The following SORCS1 variants were observed in gnomAD, a reference collection of about 807,000 sequenced individuals.
SORCS1 encodes sortilin related VPS10 domain containing receptor 1, also known as VPS10 domain-containing receptor SorCS1.
SORCS1 carries 60 observed loss-of-function variants against 146.1 expected under a neutral mutation model. That is an observed-to-expected ratio of 0.41 (90% CI 0.33 to 0.51). The LOEUF is 0.51. Among genes scored for constraint, SORCS1 ranks in the 20% least tolerant of loss-of-function variants. The pLI is 0.21. For missense variants in SORCS1, 1,352 were observed against 1,487.6 expected (o/e 0.91, Z 1.50); for synonymous variants, 637 against 584.0 (o/e 1.09, Z -1.31).
intron 1 of SORCS1, among the ~76,000 whole-genome samples, chr10:107,046,792 G>A (rs1049680252): frequency 6.6e-6 from 1 of 152,116 alleles, no homozygotes. Flanking sequence ...CTTGAATTAG[G>A]ATAAGCCTCT....
intron 16 of SORCS1, among the ~76,000 whole-genome samples, chr10:106,669,135 A>G (rs1233595006): frequency 6.6e-6 from 1 of 151,974 alleles, no homozygotes; most frequent in African/African-American, 2.4e-5. Flanking sequence ...GAATGCAGGG[A>G]TTGGGCCAAG....
chr10:106,926,828 TACACACACACACACACAC>T (rs869163147), intron 2 of SORCS1, among the ~76,000 whole-genome samples: 1 of 29,584 alleles, frequency 3.4e-5, no homozygotes, highest in African/African-American at 5.5e-5. Context: ...GGAATATATA[TACACACACACACACACAC>T]ACACACACAC....
chr10:106,644,909 G>A (rs964174058), intron 18 of SORCS1, among the ~76,000 whole-genome samples: 1 of 152,034 alleles, frequency 6.6e-6, no homozygotes, highest in African/African-American at 2.4e-5. Flanking sequence ...GGGCTCTTAC[G>A]AATACTTTTG....
chr10:106,771,162 T>C (rs1859993202), intron 4 of SORCS1, among the ~76,000 whole-genome samples: 1 of 152,124 alleles, frequency 6.6e-6, no homozygotes, highest in Non-Finnish European at 1.5e-5. Flanking sequence ...CAAGAGCCCT[T>C]ACCCCGGCAT....
intron 1 of SORCS1, among the ~76,000 whole-genome samples, chr10:107,024,583 G>T (rs1958312427): frequency 6.6e-6 from 1 of 152,098 alleles, no homozygotes; most frequent in Non-Finnish European, 1.5e-5. Context: ...TCTGTAACAG[G>T]AATCTACATT....
intron 3 of SORCS1, among the ~76,000 whole-genome samples, chr10:106,828,965 T>C (rs1948416936): frequency 6.6e-6 from 1 of 152,196 alleles, no homozygotes; most frequent in Non-Finnish European, 1.5e-5. Flanking sequence ...ATCTCAGTTT[T>C]CTTATCTGTA....
At chr10:106,689,281 T>G (rs1320593013) in intron 9 of SORCS1, among the ~76,000 whole-genome samples, 1 of 152,216 alleles carries the variant, frequency 6.6e-6, no homozygotes, top group African/African-American at 2.4e-5. Flanking sequence ...TCAAACACAT[T>G]CATGCATATT....
intron 1 of SORCS1, among the ~76,000 whole-genome samples, chr10:106,978,813 G>A (rs1338846496): frequency 1.7e-4 from 25 of 147,234 alleles, no homozygotes; most frequent in African/African-American, 6.1e-4. Context: ...AAAAAAAAAA[G>A]ACTAAATAGT....
intron 22 of SORCS1, among the ~76,000 whole-genome samples, 188 bp downstream of exon 22, chr10:106,611,723 G>A (rs1041909335): frequency 3.3e-5 from 5 of 152,190 alleles, no homozygotes; most frequent in Admixed American, 6.6e-5. Flanking sequence ...ATCCCCTTTA[G>A]GGCCTTTGAG....
rs1357999533 is a variant in SORCS1, at chr10:106,681,616, T to C, written c.1561-1882A>G. 3.9e-5 allele frequency among the ~76,000 whole-genome samples: 6 copies of C among 152,132 alleles called. No homozygotes were observed. In the East Asian group the frequency reaches 1.2e-3, roughly 29 times the overall value. Reference sequence around the variant, plus strand: ...ATCTGAATAATGTTGTGAGCATCTGTATGGCATTCCAAGAAGTAGACTACT... The same window carrying C: ...ATCTGAATAATGTTGTGAGCATCTGCATGGCATTCCAAGAAGTAGACTACT... On this transcript the variant is annotated intron_variant, in intron 10 of 25. Transcript: ENST00000263054.
chr10:106,866,714 C>T (rs183585613), intron 2 of SORCS1, among the ~76,000 whole-genome samples: 1 of 152,356 alleles, frequency 6.6e-6, no homozygotes, highest in African/African-American at 2.4e-5. Flanking sequence ...GCACCACCTA[C>T]TGGATCATAC....
At chr10:107,166,453 G>A (rs1481111649), upstream of SORCS1, among the ~76,000 whole-genome samples, 1 of 152,200 alleles carries the variant, frequency 6.6e-6, no homozygotes, top group African/African-American at 2.4e-5. Context: ...TTAAACTTGA[G>A]TACCTAAAAG....
rs1163742989 is a variant in SORCS1, at chr10:107,119,748, T to C, written c.558+44221A>G. ...CTAAGAAAAATGTCTTCTAATAACCTATAGAATTTGGGTATTTTTCATATT... is the reference window on the plus strand; with the variant it reads ...CTAAGAAAAATGTCTTCTAATAACCCATAGAATTTGGGTATTTTTCATATT... On this transcript the variant is annotated intron_variant, in intron 1 of 25. Coordinates refer to ENST00000263054, the MANE Select transcript of SORCS1 (RefSeq NM_052918.5). Among the ~76,000 whole-genome samples the C allele has an allele frequency of 2.0e-5, 3 of 152,320 alleles. No homozygotes were observed. In the East Asian group the frequency reaches 5.8e-4, roughly 29 times the overall value.
chr10:106,605,106 A>G (rs770942790), intron 23 of SORCS1, among the ~76,000 whole-genome samples: 5 of 152,254 alleles, frequency 3.3e-5, no homozygotes, highest in Admixed American at 1.3e-4. Flanking sequence ...ACAGCCTTCA[A>G]GCAAGCTAGT....
chr10:106,814,328 A>G lies in SORCS1; in HGVS notation c.726+15246T>C, dbSNP rs532243995. ...CGTATTTAAAACGCGAAATTTATTG[A>G]AGATCTACAGAGGGATCAGCCTGAA... On this transcript the variant is annotated intron_variant, in intron 3 of 25. Coordinates refer to ENST00000263054, the MANE Select transcript of SORCS1 (RefSeq NM_052918.5). 2.0e-5 allele frequency among the ~76,000 whole-genome samples: 3 copies of G among 152,328 alleles called. No individual in the cohort carries two copies. In the East Asian group the frequency reaches 5.8e-4, roughly 29 times the overall value.
intron 24 of SORCS1, among the ~76,000 whole-genome samples, chr10:106,582,138 T>C (rs7477051): frequency 3.4e-5 from 5 of 149,252 alleles, no homozygotes; most frequent in East Asian, 4.0e-4. Context: ...CACAAACACA[T>C]ACACACACAC....
chr10:106,787,911 T>A (rs759963488), intron 3 of SORCS1, among the ~76,000 whole-genome samples: 2 of 152,212 alleles, frequency 1.3e-5, no homozygotes, highest in Non-Finnish European at 2.9e-5. Context: ...TTCATGAAGA[T>A]ACTGTCATTT....
At chr10:106,956,201 C>G (rs1214810934) in intron 2 of SORCS1, among the ~76,000 whole-genome samples, 1 of 152,072 alleles carries the variant, frequency 6.6e-6, no homozygotes, top group Non-Finnish European at 1.5e-5. Flanking sequence ...GATTCTTCTG[C>G]AAAGAGACTT....
intron 1 of SORCS1, among the ~76,000 whole-genome samples, chr10:106,964,833 C>CT (rs979616974): frequency 2.0e-5 from 3 of 151,432 alleles, no homozygotes; most frequent in African/African-American, 7.3e-5. Context: ...AGGCTGGACT[C>CT]TAACTCCTGG....
Sources: allele counts gnomAD v4.1 joint callset (sites outside exome capture counted in the v4.1 genomes callset), GRCh38; gene constraint gnomAD v4.1.1; transcripts MANE v1.5; gene names NCBI Gene and HGNC (gene_info 2026-07-23, HGNC 2026-07-21).